The following PTGFR variants were observed in gnomAD, a reference collection of about 807,000 sequenced individuals.
PTGFR encodes prostaglandin F receptor, also known as prostaglandin F2-alpha receptor.
Under a neutral mutation model 26.2 loss-of-function variants are expected in PTGFR, and 15 were observed. The observed-to-expected ratio is 0.57, with a 90% CI of 0.38 to 0.88. The LOEUF is 0.88. Ranked by LOEUF, PTGFR falls within the 40% of genes least tolerant of loss-of-function variation. The pLI, the probability that PTGFR is intolerant of heterozygous loss-of-function variation, is 0.00. For missense variants in PTGFR, 369 were observed against 427.2 expected, an observed-to-expected ratio of 0.86 and a Z score of 1.20; for synonymous variants, 165 against 151.1, an observed-to-expected ratio of 1.09 and a Z score of -0.68.
intron 2 of PTGFR, among the ~76,000 whole-genome samples, chr1:78,517,618 G>A (rs188314117): frequency 9.9e-5 from 15 of 152,210 alleles, no homozygotes; most frequent in African/African-American, 2.6e-4. Context: ...CTTGTGATGA[G>A]GAACAAAGCA....
intron 2 of PTGFR, among the ~76,000 whole-genome samples, chr1:78,511,070 A>G (rs1649956824): frequency 1.3e-5 from 2 of 152,348 alleles, no homozygotes; most frequent in Admixed American, 1.3e-4. Flanking sequence ...GGCTGCTCCC[A>G]TGGGTTGGAG....
At chr1:78,497,285 C>T (rs552219435) in intron 2 of PTGFR, among the ~76,000 whole-genome samples, 5 of 152,102 alleles carry the variant, frequency 3.3e-5, no homozygotes, top group African/African-American at 1.2e-4. Flanking sequence ...AATTGTAATG[C>T]TAACTGAAAA....
intron 2 of PTGFR, among the ~76,000 whole-genome samples, chr1:78,523,555 T>C (rs894174096): frequency 2.0e-5 from 3 of 151,968 alleles, no homozygotes; most frequent in African/African-American, 7.2e-5. Flanking sequence ...ATAAATACCT[T>C]TGGACTAACC....
intron 2 of PTGFR, among the ~76,000 whole-genome samples, chr1:78,511,504 G>A (rs777254541): frequency 9.2e-5 from 14 of 152,118 alleles, no homozygotes; most frequent in Admixed American, 1.3e-4. Flanking sequence ...GGGGAGTAGC[G>A]TTGTGAGGCT....
intron 2 of PTGFR, among the ~76,000 whole-genome samples, chr1:78,519,851 T>C (rs1238572068): frequency 6.6e-6 from 1 of 152,118 alleles, no homozygotes; most frequent in Non-Finnish European, 1.5e-5. Context: ...GTGGAGTAGG[T>C]TCTTACCTAC....
intron 2 of PTGFR, among the ~76,000 whole-genome samples, chr1:78,512,110 A>C (rs1246088783): frequency 2.6e-5 from 4 of 152,178 alleles, no homozygotes; most frequent in African/African-American, 9.7e-5. Context: ...CGTCACAACC[A>C]TTTAATCAGT....
At chr1:78,510,109 T>C (rs1217242355) in intron 2 of PTGFR, among the ~76,000 whole-genome samples, 1 of 152,230 alleles carries the variant, frequency 6.6e-6, no homozygotes, top group Non-Finnish European at 1.5e-5. Context: ...CTGAAAGATG[T>C]CCTGTGCATT....
At chr1:78,509,543 CT>C (rs779100703) in intron 2 of PTGFR, among the ~76,000 whole-genome samples, 3 of 152,148 alleles carry the variant, frequency 2.0e-5, no homozygotes, top group Non-Finnish European at 4.4e-5. Flanking sequence ...CAACTGATAT[CT>C]CTCTCATTAT....
intron 2 of PTGFR, among the ~76,000 whole-genome samples, chr1:78,504,905 C>T (rs1324880746): frequency 6.6e-6 from 1 of 151,986 alleles, no homozygotes; most frequent in African/African-American, 2.4e-5. Flanking sequence ...TCCTATTGAT[C>T]TTTATGTACA....
rs750198651 is a variant in PTGFR at position 78,536,410 on chromosome 1, C to T, written c.803C>T (p.Thr268Ile). 3.7e-6 allele frequency: 6 copies of T among 1,606,432 alleles called. No homozygotes were observed. Among genetic ancestry groups the T allele is most frequent in the Non-Finnish European group, 5.1e-6 (6 of 1,176,850 alleles). The stretch of plus-strand genomic sequence containing the variant: ...CCGTGTTTTCTTCGTTTCTAGGTTA[C>T]AATGGCCAACATTGGAATAAATGGA... Reference protein sequence around the residue: ...SCICWSPFLVTMANIGINGNH... With the variant: ...SCICWSPFLVIMANIGINGNH... Residue 268 changes from threonine to isoleucine, a missense_variant, in exon 3 of 3, where the codon ACA becomes ATA. By Grantham distance (89) the Thr-to-Ile change is moderately conservative. Coordinates refer to ENST00000370757, the MANE Select transcript of PTGFR (RefSeq NM_000959.4).
intron 2 of PTGFR, among the ~76,000 whole-genome samples, chr1:78,498,482 T>C (rs918751740): frequency 1.8e-4 from 28 of 152,096 alleles, no homozygotes; most frequent in African/African-American, 6.5e-4. Context: ...TACCTGTTTG[T>C]GTATGTATAT....
chr1:78,515,089 G>C (rs1428114617), intron 2 of PTGFR, among the ~76,000 whole-genome samples: 2 of 152,012 alleles, frequency 1.3e-5, no homozygotes, highest in Non-Finnish European at 2.9e-5. Flanking sequence ...ACACAATGGG[G>C]ACCACATTGC....
intron 2 of PTGFR, among the ~76,000 whole-genome samples, chr1:78,508,002 C>A (rs538680085): frequency 1.3e-5 from 2 of 152,152 alleles, no homozygotes; most frequent in South Asian, 2.1e-4. Flanking sequence ...AATTCTTTTC[C>A]TTCCTGTGTA....
chr1:78,503,937 A>G (rs1208030375), intron 2 of PTGFR, among the ~76,000 whole-genome samples: 2 of 152,298 alleles, frequency 1.3e-5, no homozygotes, highest in Middle Eastern at 3.4e-3. Flanking sequence ...GTGGACCAGA[A>G]AATAGAAGGA....
rs1650662821 is a variant in PTGFR at position 78,536,627 on chromosome 1, T to C, written c.1020T>C (p.Asn340=). Residue 340 remains asparagine (N), a synonymous_variant, in exon 3 of 3, where the codon AAT becomes AAC. Transcript: ENST00000370757. ...TTTGGGAGCTTAGTTCCATTAAAAA[T>C]TCCTTAAAGGTTGCTGCTATTTCTG... ...LHIWELSSIK[N]SLKVAAISES... 2 of 1,613,096 alleles carry C rather than the reference T, an allele frequency of 1.2e-6. No individual in the cohort carries two copies. Among genetic ancestry groups the C allele is most frequent in the Admixed American group, 1.7e-5 (1 of 59,862 alleles).
In PTGFR at chr1:78,492,563, G is replaced by T. The variant is rs1266261930; in HGVS notation, c.-72-109G>T. 1.4e-5 allele frequency: 8 copies of T among 591,930 alleles called. No homozygotes were observed. The South Asian group carries it at 2.0e-4, about 15-fold the overall frequency. 36.7% of individuals were successfully genotyped at this position (591,930 alleles called of 1,614,324 possible). On this transcript the variant is annotated intron_variant, in intron 1 of 2. Transcript: ENST00000370757. ...TTCAGTATGATGCAACCTTGCTTAT[G>T]ATAGGCCAGATAAAACCCATCCCAC...
At chr1:78,500,250 A>G (rs374123845) in intron 2 of PTGFR, among the ~76,000 whole-genome samples, 1 of 152,192 alleles carries the variant, frequency 6.6e-6, no homozygotes, top group Non-Finnish European at 1.5e-5. Context: ...ATGAATGTAT[A>G]TGCTTTAACC....
chr1:78,496,505 T>C (rs1399147845), intron 2 of PTGFR, among the ~76,000 whole-genome samples: 2 of 152,166 alleles, frequency 1.3e-5, no homozygotes, highest in East Asian at 3.9e-4. Flanking sequence ...AATGAACATC[T>C]GCACACACTC....
At chr1:78,509,945 T>C (rs1649925577) in intron 2 of PTGFR, among the ~76,000 whole-genome samples, 1 of 152,204 alleles carries the variant, frequency 6.6e-6, no homozygotes, top group Non-Finnish European at 1.5e-5. Flanking sequence ...AACCACAGCA[T>C]TGATGCCACC....
Sources: gnomAD v4.1 joint callset for allele counts (sites outside exome capture counted in the v4.1 genomes callset) on GRCh38, gnomAD v4.1.1 for gene constraint, MANE v1.5 for transcripts, NCBI Gene and HGNC (gene_info 2026-07-23, HGNC 2026-07-21) for gene names.